The following CFAP92 variants were observed in gnomAD, a reference collection of about 807,000 sequenced individuals.
CFAP92 encodes cilia and flagella associated protein 92 (putative), also known as uncharacterized protein CFAP92.
CFAP92 carries 86 observed loss-of-function variants against 106.3 expected under a neutral mutation model. The observed-to-expected ratio is 0.81, with a 90% CI of 0.68 to 0.97. The LOEUF is 0.97. Among genes scored for constraint, CFAP92 ranks in the 50% least tolerant of loss-of-function variants. The pLI is 0.00. For synonymous variants in CFAP92, 477 were observed against 506.4 expected, an observed-to-expected ratio of 0.94 and a Z score of 0.78; for missense variants, 1,204 against 1,283.8, an observed-to-expected ratio of 0.94 and a Z score of 0.95.
At chr3:129,003,783 T>G, upstream of CFAP92, 2 of 1,430,786 alleles carry the variant, frequency 1.4e-6, no homozygotes, top group Non-Finnish European at 9.1e-7. Flanking sequence ...CCTGCTGCCC[T>G]GTCCCCGCAG....
At chr3:128,912,162 C>G (rs1230736228) in intron 15 of CFAP92, among the ~76,000 whole-genome samples, 3 of 152,194 alleles carry the variant, frequency 2.0e-5, no homozygotes, top group Non-Finnish European at 4.4e-5. Flanking sequence ...CCAGACACCC[C>G]CCCAGTGCTG....
rs537413231 is a variant in CFAP92, at chr3:128,960,170, C to T, written c.1353+5341G>A. Among the ~76,000 whole-genome samples the T allele has an allele frequency of 2.8e-4, 42 of 152,206 alleles. 1 individual carries two copies. The highest frequency in any genetic ancestry group is 2.4e-3 in the Admixed American group (37 of 15,280). ...GCTGACTCTCTTTTCGGACTCAGCC[C>T]GCCTGCACCCAGGTGAAATAAACAG... is the stretch of plus-strand genomic sequence containing the variant. On this transcript the variant is annotated intron_variant, in intron 9 of 15. Coordinates refer to ENST00000645291, the MANE Select transcript of CFAP92 (RefSeq NM_001394090.1).
At position 128,988,855 on chromosome 3, in the gene CFAP92, G is replaced by C. The variant is rs559565479; in HGVS notation, c.326C>G (p.Ser109Cys). The change falls in exon 3 of 16, where the codon TCT becomes TGT. Residue 109 changes from serine (S) to cysteine (C), a missense_variant. By Grantham distance (112) the Ser-to-Cys change is moderately radical. Coordinates refer to ENST00000645291, the MANE Select transcript of CFAP92 (RefSeq NM_001394090.1). ...GTAAAAACGACGCATCTTTGTAACA[G>C]AACTGTCTGTTTTAGGGTGTTTCTT... The part of the protein sequence containing the change: ...KYKKHPKTDS[S>C]VTKMRRFYHI... 11 of 1,613,880 alleles carry C rather than the reference G, an allele frequency of 6.8e-6. No homozygotes were observed. In the South Asian group the frequency reaches 1.2e-4, roughly 18 times the overall value.
chr3:128,918,318 C>A (rs905696304), intron 12 of CFAP92, among the ~76,000 whole-genome samples: 5 of 152,134 alleles, frequency 3.3e-5, no homozygotes, highest in African/African-American at 1.2e-4. Flanking sequence ...CTAAAAAATA[C>A]AAAAATTAGC....
upstream of CFAP92, among the ~76,000 whole-genome samples, chr3:129,004,499 T>A (rs1576698540): frequency 1.3e-5 from 1 of 76,132 alleles, no homozygotes; most frequent in South Asian, 4.8e-4. Flanking sequence ...ACCCATCCAC[T>A]CACCCACCCA....
At chr3:128,962,634 C>G (rs534847874) in intron 9 of CFAP92, among the ~76,000 whole-genome samples, 5 of 152,226 alleles carry the variant, frequency 3.3e-5, no homozygotes, top group African/African-American at 1.2e-4. Flanking sequence ...CAACTGATCA[C>G]GCACCCCTTA....
chr3:129,017,465 A>C, the CFAP92 span, among the ~76,000 whole-genome samples: 11 of 152,210 alleles, frequency 7.2e-5, no homozygotes, highest in Non-Finnish European at 1.3e-4. Context: ...GGCCGAAAGC[A>C]AGGCACCCTT....
intron 4 of CFAP92, among the ~76,000 whole-genome samples, chr3:128,983,653 G>C (rs1943664005): frequency 6.6e-6 from 1 of 152,182 alleles, no homozygotes; most frequent in African/African-American, 2.4e-5. Context: ...AGGTGAAATT[G>C]GATTCAGTGT....
chr3:129,012,611 A>G, the CFAP92 span, among the ~76,000 whole-genome samples: 1 of 152,174 alleles, frequency 6.6e-6, no homozygotes, highest in African/African-American at 2.4e-5. Flanking sequence ...CCAGGCCGAG[A>G]CCAGGACCAG....
chr3:128,977,803 G>C (rs537674500), intron 5 of CFAP92, among the ~76,000 whole-genome samples: 1 of 152,344 alleles, frequency 6.6e-6, no homozygotes, highest in East Asian at 1.9e-4. Context: ...AGGTTGCAGT[G>C]AGCCAAGATC....
intron 5 of CFAP92, among the ~76,000 whole-genome samples, chr3:128,977,766 G>C (rs1400110193): frequency 2.0e-5 from 3 of 152,192 alleles, no homozygotes; most frequent in Admixed American, 6.5e-5. Context: ...GGCTGAGGCA[G>C]GAGAATCACT....
intron 9 of CFAP92, among the ~76,000 whole-genome samples, chr3:128,961,563 A>G (rs1576536681): frequency 6.6e-6 from 1 of 152,138 alleles, no homozygotes; most frequent in East Asian, 1.9e-4. Context: ...AGGTGGCTGG[A>G]GCTGAAGGCA....
At chr3:129,016,314 G>A in the CFAP92 span, among the ~76,000 whole-genome samples, 1 of 152,140 alleles carries the variant, frequency 6.6e-6, no homozygotes, top group African/African-American at 2.4e-5. Flanking sequence ...AGGCTTCTGT[G>A]TGAAAGAGAA....
At chr3:128,920,297 G>A (rs1008875594) in intron 12 of CFAP92, among the ~76,000 whole-genome samples, 1 of 152,296 alleles carries the variant, frequency 6.6e-6, no homozygotes, top group Non-Finnish European at 1.5e-5. Flanking sequence ...CAGCTATTCA[G>A]AAGGCTGAGG....
chr3:128,981,700 T>A (rs530620414), intron 4 of CFAP92, among the ~76,000 whole-genome samples: 2 of 152,346 alleles, frequency 1.3e-5, no homozygotes, highest in South Asian at 4.1e-4. Flanking sequence ...AGCTATGGCC[T>A]TATGAAATGT....
At chr3:128,991,987 G>T (rs1944246535) in intron 2 of CFAP92, 1 of 567,516 alleles carries the variant, frequency 1.8e-6, no homozygotes. Flanking sequence ...CTTGAGGAGT[G>T]TTTGTGGGGC....
intron 9 of CFAP92, among the ~76,000 whole-genome samples, chr3:128,956,656 G>T (rs986076810): frequency 6.6e-6 from 1 of 151,996 alleles, no homozygotes; most frequent in Non-Finnish European, 1.5e-5. Flanking sequence ...GTGGTAAGAA[G>T]AAAGTGGTAT....
intron 4 of CFAP92, among the ~76,000 whole-genome samples, chr3:128,981,841 A>G (rs541051804): frequency 1.3e-5 from 2 of 152,338 alleles, no homozygotes; most frequent in South Asian, 2.1e-4. Flanking sequence ...TGCATTATCA[A>G]TGAGCAGTCA....
intron 9 of CFAP92, among the ~76,000 whole-genome samples, chr3:128,953,130 C>G (rs1314177658): frequency 1.3e-5 from 2 of 151,980 alleles, no homozygotes; most frequent in Non-Finnish European, 2.9e-5. Context: ...ACAATAACTG[C>G]AATAAAAAAA....
Sources: gnomAD v4.1 joint callset for allele counts (sites outside exome capture counted in the v4.1 genomes callset) on GRCh38, gnomAD v4.1.1 for gene constraint, MANE v1.5 for transcripts, NCBI Gene and HGNC (gene_info 2026-07-23, HGNC 2026-07-21) for gene names.